The following CAPRIN2 variants were observed in gnomAD, a reference collection of about 807,000 sequenced individuals.
CAPRIN2 encodes caprin family member 2.
CAPRIN2 carries 66 observed loss-of-function variants against 130.4 expected under a neutral mutation model. That is an observed-to-expected ratio of 0.51 (90% CI 0.42 to 0.62). The LOEUF is 0.62. Among genes scored for constraint, CAPRIN2 ranks in the 20% least tolerant of loss-of-function variants. The pLI is 0.00. For synonymous variants in CAPRIN2, 471 were observed against 444.1 expected, an observed-to-expected ratio of 1.06 and a Z score of -0.76; for missense variants, 1,185 against 1,246.6, an observed-to-expected ratio of 0.95 and a Z score of 0.74.
intron 11 of CAPRIN2, among the ~76,000 whole-genome samples, chr12:30,721,940 T>C (rs947318835): frequency 7.2e-5 from 11 of 152,350 alleles, no homozygotes; most frequent in Middle Eastern, 3.4e-3. Flanking sequence ...ATTATAAGAT[T>C]AGAGCGTTTC....
intron 3 of CAPRIN2, 147 bp downstream of exon 4, chr12:30,740,873 T>C (rs1178582125): frequency 1.8e-6 from 1 of 559,810 alleles, no homozygotes; most frequent in Non-Finnish European, 3.2e-6. Context: ...CTCCAACAGT[T>C]ATCCTCAACC....
At position 30,711,635 on chromosome 12, in the gene CAPRIN2, G is replaced by A. The variant is rs1202824692; in HGVS notation, c.2602-6C>T. On this transcript the variant is annotated splice_region_variant and splice_polypyrimidine_tract_variant and intron_variant, in intron 15 of 16. Transcript: ENST00000298892. Reference sequence around the variant, plus strand: ...TAACACTGCTGGAAATTATCCTAAAGTGAACATATAATATTTACCTTGGCA... The same window carrying A: ...TAACACTGCTGGAAATTATCCTAAAATGAACATATAATATTTACCTTGGCA... 1 of 1,610,744 alleles carries A rather than the reference G, an allele frequency of 6.2e-7. No individual in the cohort carries two copies. The highest frequency in any genetic ancestry group is 1.7e-5 in the Admixed American group (1 of 59,996).
intron 11 of CAPRIN2, among the ~76,000 whole-genome samples, chr12:30,721,718 G>A (rs2059456908): frequency 6.6e-6 from 1 of 152,144 alleles, no homozygotes; most frequent in African/African-American, 2.4e-5. Flanking sequence ...TAATAAAATA[G>A]GTGAACTGGA....
At chr12:30,739,245 C>A (rs189963860) in intron 3 of CAPRIN2, among the ~76,000 whole-genome samples, 1 of 152,286 alleles carries the variant, frequency 6.6e-6, no homozygotes, top group Non-Finnish European at 1.5e-5. Context: ...AAGATCATGT[C>A]CTTTGCAGGA....
chr12:30,729,482 C>T (rs983014649), intron 7 of CAPRIN2, among the ~76,000 whole-genome samples, 157 bp from the exon 9 acceptor site: 1 of 152,164 alleles, frequency 6.6e-6, no homozygotes, highest in Non-Finnish European at 1.5e-5. Flanking sequence ...TCCTACTTCT[C>T]TTTCCTACTT....
chr12:30,712,733 C>CTTTTTT (rs754373140), intron 15 of CAPRIN2, among the ~76,000 whole-genome samples: 22 of 107,286 alleles, frequency 2.1e-4, no homozygotes, highest in South Asian at 6.7e-4. Flanking sequence ...GTTTTCCACT[C>CTTTTTT]TTTTTTTTTT....
chr12:30,751,626 C>T (rs925519526), intron 1 of CAPRIN2: 5 of 165,760 alleles, frequency 3.0e-5, no homozygotes, highest in South Asian at 1.6e-4. Context: ...CCCTTTACAA[C>T]GAAGAATTAT....
At chr12:30,720,855 A>C (rs1313668455) in exon 12 of CAPRIN2, 3 of 1,613,810 alleles carry the variant, frequency 1.9e-6, no homozygotes, top group South Asian at 1.1e-5. Context: ...GATCCAGAAG[A>C]AGCCTGATCG....
intron 2 of CAPRIN2, among the ~76,000 whole-genome samples, chr12:30,746,790 T>C (rs1406317649): frequency 6.6e-6 from 1 of 152,166 alleles, no homozygotes; most frequent in Non-Finnish European, 1.5e-5. Context: ...AAAGAAGTCA[T>C]CTCCATCACA....
chr12:30,710,715 T>C lies in CAPRIN2; in HGVS notation c.2666-245A>G, dbSNP rs1452947376. ...TGATCCTTTTTTAAGATTAAGAAAATGTGGCCCCCAAAAGGCCAGATAACT... is the reference window on the plus strand; with the variant it reads ...TGATCCTTTTTTAAGATTAAGAAAACGTGGCCCCCAAAAGGCCAGATAACT... On this transcript the variant is annotated intron_variant, in intron 16 of 16. Coordinates refer to ENST00000298892, the Ensembl canonical transcript of CAPRIN2. The surrounding 1 kb of genome is among the most constrained non-coding windows in gnomAD (Gnocchi z 4.8). Among the ~76,000 whole-genome samples, 1 of 152,118 alleles carries C rather than the reference T, an allele frequency of 6.6e-6. No individual in the cohort carries two copies. The highest frequency in any genetic ancestry group is 2.4e-5 in the African/African-American group (1 of 41,412).
At chr12:30,729,294 T>A in exon 8 of CAPRIN2, 1 of 1,585,682 alleles carries the variant, frequency 6.3e-7, no homozygotes, top group Non-Finnish European at 8.5e-7. Flanking sequence ...GTTTGAATAA[T>A]CTACTTCTGT....
At chr12:30,733,605 A>T in intron 5 of CAPRIN2, 24 bp downstream of exon 6, 2 of 1,518,738 alleles carry the variant, frequency 1.3e-6, no homozygotes, top group Non-Finnish European at 9.1e-7. Context: ...TTTACTGCAT[A>T]AGTCCAGAGT....
At position 30,710,451 on chromosome 12, in the gene CAPRIN2, A is replaced by G; in HGVS notation, c.2685T>C (p.Ser895=). Residue 895 remains serine (S), a synonymous_variant, in exon 17 of 17, where the codon TCT becomes TCC. Coordinates refer to ENST00000298892, the Ensembl canonical transcript of CAPRIN2. This position sits in a 1 kb window ranked among gnomAD's most constrained non-coding sequence, Gnocchi z 4.8. ...TGTCTCTTTCTGGGCTGCTCACCTG[A>G]GAAGAATCACTCCACCCTGCTGTTT... 6.2e-7 allele frequency: 1 copy of G among 1,614,094 alleles called. No homozygotes were observed.
chr12:30,745,647 T>C (rs2069742085), intron 2 of CAPRIN2, among the ~76,000 whole-genome samples: 2 of 152,104 alleles, frequency 1.3e-5, no homozygotes, highest in African/African-American at 4.8e-5. Flanking sequence ...GAACCAGTGC[T>C]TGAAGGAAAA....
In CAPRIN2 at chr12:30,753,796, A is replaced by AT. The variant is rs1349343477; in HGVS notation, c.-34dup. 4 of 1,565,930 alleles carry AT rather than the reference A, an allele frequency of 2.6e-6. No homozygotes were observed. The African/African-American group carries it at 5.4e-5, about 21-fold the overall frequency. On this transcript the variant is annotated 5_prime_UTR_variant, in exon 1 of 17. Transcript: ENST00000298892. The stretch of plus-strand genomic sequence containing the variant: ...TTAAAGTAATTAGTGCCGCTAGCCA[A>AT]TAAGGATAGCCTTTACATAGGCAAA...
At chr12:30,726,459 A>G (rs369016608) in intron 8 of CAPRIN2, among the ~76,000 whole-genome samples, 1 of 152,170 alleles carries the variant, frequency 6.6e-6, no homozygotes, top group Non-Finnish European at 1.5e-5. Context: ...CTACTACCAC[A>G]TTAAATGTAC....
At chr12:30,743,874 T>C (rs981557727) in intron 2 of CAPRIN2, among the ~76,000 whole-genome samples, 2 of 152,194 alleles carry the variant, frequency 1.3e-5, no homozygotes, top group Admixed American at 1.3e-4. Flanking sequence ...TGGTTTCAAG[T>C]AGCGGTCATA....
intron 14 of CAPRIN2, 41 bp from the exon 17 acceptor site, chr12:30,713,926 C>T (rs567080558): frequency 6.7e-6 from 8 of 1,189,328 alleles, no homozygotes; most frequent in South Asian, 1.3e-5. Flanking sequence ...TGGACAAAAT[C>T]ATATTAAACT....
upstream of CAPRIN2, chr12:30,754,846 C>T (rs1277455363): frequency 1.3e-5 from 2 of 151,898 alleles, no homozygotes; most frequent in Non-Finnish European, 2.9e-5. Flanking sequence ...CCGGCGCCAC[C>T]CCGCACTCGC....
Sources: allele counts gnomAD v4.1 joint callset (sites outside exome capture counted in the v4.1 genomes callset), GRCh38; gene constraint gnomAD v4.1.1; non-coding constraint Gnocchi (gnomAD v3.1); transcripts MANE v1.5; gene names NCBI Gene and HGNC (gene_info 2026-07-23, HGNC 2026-07-21).